NBEA: variants seen among roughly 807,000 people sequenced by gnomAD.
NBEA encodes the protein neurobeachin, also known as lysosomal-trafficking regulator 2.
In NBEA, 44 loss-of-function variants were observed where a neutral mutation model predicts 343.4. That is an observed-to-expected ratio of 0.13 (90% CI 0.10 to 0.16). The LOEUF (loss-of-function observed/expected upper bound fraction) is 0.16. Among genes scored for constraint, NBEA ranks in the 10% least tolerant of loss-of-function variants. The probability of loss-of-function intolerance (pLI) is 1.00; values close to 1 mark genes in which losing one functional copy is unlikely to be tolerated. For synonymous variants in NBEA, 1,175 were observed against 1,238.7 expected (o/e 0.95, Z 1.08); for missense variants, 2,555 against 3,631.3 (o/e 0.70, Z 7.62).
chr13:35,291,972 T>A (rs1457445638), intron 35 of NBEA, among the ~76,000 whole-genome samples: 1 of 152,036 alleles, frequency 6.6e-6, no homozygotes, highest in Non-Finnish European at 1.5e-5. Flanking sequence ...TCAGTGTTTT[T>A]AAATATTTTA....
At chr13:35,337,154 T>G (rs949584934) in intron 36 of NBEA, among the ~76,000 whole-genome samples, 9 of 152,154 alleles carry the variant, frequency 5.9e-5, no homozygotes, top group Non-Finnish European at 1.2e-4. Flanking sequence ...AAGTCCTTTC[T>G]TATCGATAAA....
chr13:34,967,448 T>A (rs1430299262), intron 1 of NBEA, among the ~76,000 whole-genome samples: 1 of 152,026 alleles, frequency 6.6e-6, no homozygotes, highest in East Asian at 1.9e-4. Context: ...TTGGAATAGA[T>A]GTTTTATTAA....
intron 41 of NBEA, among the ~76,000 whole-genome samples, chr13:35,511,805 G>A (rs547980771): frequency 6.6e-6 from 1 of 151,976 alleles, no homozygotes; most frequent in Non-Finnish European, 1.5e-5. Flanking sequence ...TGTAATATAA[G>A]AAGTTAGGTA....
At chr13:35,267,032 A>G (rs866149443) in intron 34 of NBEA, among the ~76,000 whole-genome samples, 5 of 152,092 alleles carry the variant, frequency 3.3e-5, no homozygotes, top group Admixed American at 2.6e-4. Context: ...AAGAGAAAAT[A>G]TATTTACTAT....
intron 17 of NBEA, among the ~76,000 whole-genome samples, chr13:35,124,631 TACACACACATATATGGATATAC>T (rs1407008654): frequency 3.5e-5 from 5 of 143,910 alleles, no homozygotes; most frequent in East Asian, 2.0e-4. Context: ...TGGATATACA[TACACACACATATATGGATATAC>T]ACACACATAT....
intron 34 of NBEA, among the ~76,000 whole-genome samples, chr13:35,282,298 A>G (rs1490879544): frequency 6.6e-6 from 1 of 152,128 alleles, no homozygotes. Flanking sequence ...TATGACTAAC[A>G]TGGTATATGT....
intron 35 of NBEA, among the ~76,000 whole-genome samples, chr13:35,309,194 A>G (rs1168495878): frequency 1.3e-5 from 2 of 152,004 alleles, no homozygotes; most frequent in African/African-American, 4.8e-5. Context: ...AAATATTTCT[A>G]GTCCTTGTGT....
At chr13:35,340,515 C>T (rs1028151776) in intron 36 of NBEA, among the ~76,000 whole-genome samples, 3 of 152,024 alleles carry the variant, frequency 2.0e-5, no homozygotes, top group Non-Finnish European at 1.5e-5. Flanking sequence ...TTAGATTTTA[C>T]AAAATGAAAC....
chr13:35,029,301 A>G (rs993397304), intron 1 of NBEA, among the ~76,000 whole-genome samples: 3 of 151,234 alleles, frequency 2.0e-5, no homozygotes, highest in African/African-American at 7.3e-5. Flanking sequence ...AGTCCAAGAA[A>G]AACCATCTTT....
intron 35 of NBEA, among the ~76,000 whole-genome samples, chr13:35,299,680 A>G (rs1052947986): frequency 9.9e-5 from 15 of 152,284 alleles, no homozygotes; most frequent in Admixed American, 4.6e-4. Context: ...TGAAAATAAA[A>G]GGTTGTTCAT....
intron 17 of NBEA, among the ~76,000 whole-genome samples, chr13:35,128,480 T>G (rs2067245626): frequency 6.6e-6 from 1 of 152,164 alleles, no homozygotes; most frequent in Admixed American, 6.5e-5. Flanking sequence ...GATAAATCTT[T>G]TTGACCTTAA....
intron 1 of NBEA, among the ~76,000 whole-genome samples, chr13:35,002,609 A>G (rs1457945376): frequency 6.6e-6 from 1 of 152,210 alleles, no homozygotes; most frequent in Non-Finnish European, 1.5e-5. Context: ...ATATTGTATC[A>G]GGTCGGTGCA....
chr13:35,061,192 C>G (rs984125809), intron 8 of NBEA, among the ~76,000 whole-genome samples: 1 of 151,540 alleles, frequency 6.6e-6, no homozygotes, highest in Admixed American at 6.6e-5. Flanking sequence ...AATTTTTGTT[C>G]TGTCGAATTT....
chr13:35,497,927 T>C (rs964980168), intron 41 of NBEA, among the ~76,000 whole-genome samples: 4 of 152,080 alleles, frequency 2.6e-5, no homozygotes, highest in African/African-American at 7.2e-5. Context: ...GGCTATTATT[T>C]TTTACCTTGA....
intron 6 of NBEA, among the ~76,000 whole-genome samples, chr13:35,053,556 A>G (rs2063140812): frequency 6.6e-6 from 1 of 152,032 alleles, no homozygotes; most frequent in African/African-American, 2.4e-5. Flanking sequence ...TATTCTCATA[A>G]CTGTTTCTCT....
chr13:35,549,114 A>G (rs2079192224), intron 41 of NBEA, among the ~76,000 whole-genome samples: 1 of 152,222 alleles, frequency 6.6e-6, no homozygotes, highest in African/African-American at 2.4e-5. Flanking sequence ...GAATGGCTCC[A>G]AAATGTTTCA....
intron 30 of NBEA, among the ~76,000 whole-genome samples, chr13:35,191,953 T>C (rs1159421330): frequency 6.6e-6 from 1 of 152,048 alleles, no homozygotes; most frequent in Non-Finnish European, 1.5e-5. Flanking sequence ...TGTCCTCATA[T>C]TTTTCTCAAA....
chr13:35,074,807 A>T (rs911031500), intron 10 of NBEA, among the ~76,000 whole-genome samples: 5 of 152,138 alleles, frequency 3.3e-5, no homozygotes, highest in African/African-American at 1.2e-4. Context: ...ATAGTTACCT[A>T]TTTTTTGGGG....
intron 41 of NBEA, among the ~76,000 whole-genome samples, chr13:35,486,700 T>C (rs2076314823): frequency 6.6e-6 from 1 of 152,040 alleles, no homozygotes; most frequent in South Asian, 2.1e-4. Context: ...GCTACTAGGC[T>C]TGCATTTACA....
Sources: allele counts gnomAD v4.1 joint callset (sites outside exome capture counted in the v4.1 genomes callset), GRCh38; gene constraint gnomAD v4.1.1; transcripts MANE v1.5; gene names NCBI Gene and HGNC (gene_info 2026-07-23, HGNC 2026-07-21).